Variants in SIK3 observed in about 807,000 individuals in gnomAD.
SIK3 encodes SIK family kinase 3, also known as serine/threonine-protein kinase SIK3.
In SIK3, 28 loss-of-function variants were observed where a neutral mutation model predicts 144.2. That is an observed-to-expected ratio of 0.19 (90% CI 0.14 to 0.27). The LOEUF is 0.27. Ranked by LOEUF, SIK3 falls within the 10% of genes least tolerant of loss-of-function variation. The pLI is 1.00. For synonymous variants in SIK3, 686 were observed against 676.3 expected (o/e 1.01, Z -0.22); for missense variants, 1,319 against 1,776.0 (o/e 0.74, Z 4.62).
At chr11:116,948,354 T>C (rs1305030303) in intron 3 of SIK3, among the ~76,000 whole-genome samples, 1 of 152,144 alleles carries the variant, frequency 6.6e-6, no homozygotes, top group Non-Finnish European at 1.5e-5. Context: ...CATGGCTCAC[T>C]GCAGCCTTGA....
chr11:116,862,166 C>G, intron 17 of SIK3, 36 bp downstream of exon 17: 1 of 1,614,044 alleles, frequency 6.2e-7, no homozygotes. Flanking sequence ...AAGCAAACTC[C>G]AAACAAGTTG....
intron 1 of SIK3, among the ~76,000 whole-genome samples, chr11:117,008,832 T>C (rs1221594763): frequency 6.6e-6 from 1 of 152,240 alleles, no homozygotes; most frequent in Non-Finnish European, 1.5e-5. Context: ...CTGAAGCCTG[T>C]TGTGAGTCTG....
intron 1 of SIK3, among the ~76,000 whole-genome samples, chr11:116,997,540 C>A (rs898252142): frequency 1.3e-5 from 2 of 152,112 alleles, no homozygotes; most frequent in Non-Finnish European, 2.9e-5. Flanking sequence ...ATAAAATATA[C>A]ACTATTAAAG....
intron 1 of SIK3, among the ~76,000 whole-genome samples, chr11:117,059,773 C>G (rs1953712842): frequency 6.6e-6 from 1 of 152,184 alleles, no homozygotes. Context: ...TCATATGTTA[C>G]TAGGCTACTG....
rs71469123 is a variant in SIK3, at chr11:117,023,609, CAAAAA to C, written c.274-66550_274-66546del. On this transcript the variant is annotated intron_variant, in intron 1 of 24. Coordinates refer to ENST00000445177, the MANE Select transcript of SIK3 (RefSeq NM_001366686.3). ...ACAAACAAACAAACAAACAAACAAA[CAAAAA>C]AAAAAAAATATATATATATATATAT... Among the ~76,000 whole-genome samples the C allele has an allele frequency of 8.7e-4, 45 of 51,998 alleles. 2 individuals carry two copies. Among genetic ancestry groups the C allele is most frequent in the Admixed American group, 1.6e-3 (8 of 4,882 alleles). The allele number at this position is 51,998 out of a possible 152,430, so 34.1% of individuals were successfully genotyped here. A position where few individuals can be genotyped will look rare whatever the true frequency, so the allele number is the denominator to read the frequency against.
intron 1 of SIK3, among the ~76,000 whole-genome samples, chr11:116,999,236 G>A (rs1029818798): frequency 6.6e-6 from 1 of 152,194 alleles, no homozygotes; most frequent in Non-Finnish European, 1.5e-5. Flanking sequence ...CTTATCAGTT[G>A]ATATACTTCA....
intron 1 of SIK3, among the ~76,000 whole-genome samples, chr11:116,999,844 A>C (rs751154509): frequency 1.5e-4 from 23 of 152,348 alleles, no homozygotes; most frequent in Non-Finnish European, 2.9e-4. Flanking sequence ...GAAAATCCTA[A>C]GTCAAAGAAT....
chr11:117,092,374 G>A (rs1207751010), intron 1 of SIK3, among the ~76,000 whole-genome samples: 2 of 152,008 alleles, frequency 1.3e-5, no homozygotes, highest in African/African-American at 4.8e-5. Flanking sequence ...TTCCCAGGTT[G>A]GCTTTTTCTC....
intron 1 of SIK3, among the ~76,000 whole-genome samples, chr11:117,060,844 A>G (rs1953759272): frequency 6.6e-6 from 1 of 152,226 alleles, no homozygotes; most frequent in Admixed American, 6.5e-5. Flanking sequence ...TACCACACTA[A>G]TGCAAGATGT....
chr11:117,094,013 T>C (rs1302083792), intron 1 of SIK3, among the ~76,000 whole-genome samples: 1 of 152,190 alleles, frequency 6.6e-6, no homozygotes, highest in East Asian at 1.9e-4. Flanking sequence ...CATGCTGCTC[T>C]AAGAGCTTTA....
At chr11:117,086,432 C>A (rs1224427806) in intron 1 of SIK3, among the ~76,000 whole-genome samples, 2 of 152,240 alleles carry the variant, frequency 1.3e-5, no homozygotes, top group Non-Finnish European at 2.9e-5. Flanking sequence ...TGGCTCACGC[C>A]TATAATCCCA....
At chr11:116,976,964 T>TAA (rs1332686555) in intron 1 of SIK3, among the ~76,000 whole-genome samples, 1 of 152,246 alleles carries the variant, frequency 6.6e-6, no homozygotes, top group Admixed American at 6.5e-5. Context: ...ATTTATTAAT[T>TAA]AATGAGAATA....
intron 1 of SIK3, among the ~76,000 whole-genome samples, chr11:117,061,815 A>T (rs1953807405): frequency 6.6e-6 from 1 of 152,202 alleles, no homozygotes; most frequent in Non-Finnish European, 1.5e-5. Flanking sequence ...GAAATATTAG[A>T]AGAGTCCAAA....
chr11:116,945,616 T>C lies in SIK3; in HGVS notation c.454+8428A>G, dbSNP rs143084055. On this transcript the variant is annotated intron_variant, in intron 3 of 24. Transcript: ENST00000445177. ...CTAAGCCCAAAAGCCCACACTTTAA[T>C]TACATTATTGCTAGTGGCCTCAAAA... is the stretch of plus-strand genomic sequence containing the variant. 2.2e-3 allele frequency among the ~76,000 whole-genome samples: 328 copies of C among 152,232 alleles called. 2 individuals carry two copies. Among genetic ancestry groups the C allele is most frequent in the African/African-American group, 7.7e-3 (318 of 41,534 alleles).
chr11:117,096,650 A>G (rs150131606), intron 1 of SIK3, among the ~76,000 whole-genome samples: 1 of 152,244 alleles, frequency 6.6e-6, no homozygotes, highest in Non-Finnish European at 1.5e-5. Flanking sequence ...AAGGCTGAAG[A>G]GGGCCCTCCA....
chr11:116,864,015 C>A, intron 15 of SIK3, 197 bp from the exon 16 acceptor site: 1 of 482,678 alleles, frequency 2.1e-6, no homozygotes, highest in South Asian at 3.2e-5. Context: ...AGGTGTACAT[C>A]TTCCATTTCT....
chr11:117,094,212 C>A (rs190673401), intron 1 of SIK3, among the ~76,000 whole-genome samples: 1 of 152,280 alleles, frequency 6.6e-6, no homozygotes, highest in East Asian at 1.9e-4. Context: ...GGAACTCTTA[C>A]CACAAACCAA....
intron 3 of SIK3, among the ~76,000 whole-genome samples, chr11:116,930,587 A>C (rs1479622640): frequency 6.6e-6 from 1 of 152,186 alleles, no homozygotes; most frequent in African/African-American, 2.4e-5. Context: ...TCAATACGCA[A>C]AGTAAAATGT....
chr11:117,018,206 C>A (rs1951617236), intron 1 of SIK3, among the ~76,000 whole-genome samples: 2 of 152,160 alleles, frequency 1.3e-5, no homozygotes, highest in Non-Finnish European at 2.9e-5. Context: ...ATTACACACA[C>A]ACTCAAGTCC....
Sources: gnomAD v4.1 joint callset for allele counts (sites outside exome capture counted in the v4.1 genomes callset) on GRCh38, gnomAD v4.1.1 for gene constraint, MANE v1.5 for transcripts, NCBI Gene and HGNC (gene_info 2026-07-23, HGNC 2026-07-21) for gene names.